Variants in ZNF425 observed in about 807,000 individuals in gnomAD.
ZNF425 encodes zinc finger protein 425.
ZNF425 carries 21 observed loss-of-function variants against 17.0 expected under a neutral mutation model. That is an observed-to-expected ratio of 1.23 (90% CI 0.88 to 1.78). The LOEUF is 1.78. Among genes scored for constraint, ZNF425 ranks in the 40% most tolerant of loss-of-function variants. The pLI, the probability that ZNF425 is intolerant of heterozygous loss-of-function variation, is 0.00. For synonymous variants in ZNF425, 433 were observed against 384.1 expected, an observed-to-expected ratio of 1.13 and a Z score of -1.49; for missense variants, 868 against 967.3, an observed-to-expected ratio of 0.90 and a Z score of 1.36.
At chr7:149,118,522 G>T in intron 1 of ZNF425, 174 bp from the exon 2 acceptor site, 1 of 742,758 alleles carries the variant, frequency 1.3e-6, no homozygotes, top group Non-Finnish European at 2.1e-6. Context: ...CAAGTAAAAT[G>T]AATGAATGGG....
Position 149,123,851 on chromosome 7 carries a change from T to G in ZNF425, c.18+2345A>C, listed in dbSNP as rs1048765602. ...CCGGACTTGCTTTTTCTTTTTTTTT[T>G]TTTTTTTCCTTTTTGAGACGGAGTC... On this transcript the variant is annotated intron_variant, in intron 1 of 3. Coordinates refer to ENST00000378061, the MANE Select transcript of ZNF425 (RefSeq NM_001001661.3). Among the ~76,000 whole-genome samples the G allele has an allele frequency of 2.1e-5, 3 of 145,416 alleles. No individual in the cohort carries two copies. In the South Asian group the frequency reaches 6.4e-4, roughly 31 times the overall value.
chr7:149,126,038 G>A, intron 1 of ZNF425, 158 bp downstream of exon 1: 3 of 1,426,262 alleles, frequency 2.1e-6, no homozygotes, highest in Non-Finnish European at 2.9e-6. Context: ...CAGCAAGACT[G>A]CACCTTCTCC....
chr7:149,108,902 A>T (rs1246698030), intron 3 of ZNF425, among the ~76,000 whole-genome samples: 3 of 151,964 alleles, frequency 2.0e-5, no homozygotes, highest in Non-Finnish European at 4.4e-5. Context: ...GAAAAAAAAT[A>T]AAAATCTTCC....
In ZNF425 at chr7:149,105,529, G is replaced by T. The variant is rs776877322; in HGVS notation, c.342C>A (p.Cys114Ter). The T allele has an allele frequency of 1.8e-5, 28 of 1,514,592 alleles. No individual in the cohort carries two copies. Among genetic ancestry groups the T allele is most frequent in the South Asian group, 1.4e-5 (1 of 72,598 alleles). 93.8% of individuals were successfully genotyped at this position (1,514,592 alleles called of 1,614,324 possible). Residue 114 changes from cysteine to a stop codon, truncating the protein, a stop_gained, in exon 4 of 4, where the codon TGC (cysteine) becomes TGA (stop). Coordinates refer to ENST00000378061, the MANE Select transcript of ZNF425 (RefSeq NM_001001661.3). LOFTEE classifies it low-confidence loss of function (END_TRUNC). The part of the protein sequence containing the change: ...EGTPRTKEED[C>*]RLNGPQKQDL... ...CCTGTTTTTGAGGACCATTTAAACGGCAATCCTCTTCTTTTGTCCTGGGAG... is the reference window on the plus strand; with the variant it reads ...CCTGTTTTTGAGGACCATTTAAACGTCAATCCTCTTCTTTTGTCCTGGGAG...
At chr7:149,109,908 G>A (rs1328289332) in intron 3 of ZNF425, among the ~76,000 whole-genome samples, 2 of 143,676 alleles carry the variant, frequency 1.4e-5, no homozygotes, top group Admixed American at 7.1e-5. Flanking sequence ...ACAGAGTCTC[G>A]CTCTGTCACC....
Position 149,103,683 on chromosome 7 carries a change from T to C in ZNF425, c.2188A>G (p.Ser730Gly). Reference sequence around the variant, plus strand: ...TTGAGCGCCCCCACGTACGTGAAGCTCCTTCCACACTCATCACAAGAAAAA... The same window carrying C: ...TTGAGCGCCCCCACGTACGTGAAGCCCCTTCCACACTCATCACAAGAAAAA... ...RPFSCDECGR[S>G]FTYVGALKTH... is the part of the protein sequence containing the mutation. Residue 730 changes from serine (S) to glycine (G), a missense_variant, in exon 4 of 4, where the codon AGC (serine) becomes GGC (glycine). Physicochemically the swap from Ser to Gly is moderately conservative, Grantham distance 56 (BLOSUM62 0). Coordinates refer to ENST00000378061, the MANE Select transcript of ZNF425 (RefSeq NM_001001661.3). 1 of 1,614,058 alleles carries C rather than the reference T, an allele frequency of 6.2e-7. No homozygotes were observed. Among genetic ancestry groups the C allele is most frequent in the Non-Finnish European group, 8.5e-7 (1 of 1,180,014 alleles).
At position 149,104,093 on chromosome 7, in the gene ZNF425, T is replaced by C. The variant is rs762815018; in HGVS notation, c.1778A>G (p.His593Arg). The C allele has an allele frequency of 5.6e-6, 9 of 1,612,822 alleles. No homozygotes were observed. The highest frequency in any genetic ancestry group is 7.6e-6 in the Non-Finnish European group (9 of 1,179,962). ...CAGGTGCTCGGTGAGCTGAGACTGA[T>C]GCGTGTAGGTCTTGTCACACTCACC... Reference protein sequence around the residue: ...ACGECDKTYTHQSQLTEHLRL... With the variant: ...ACGECDKTYTRQSQLTEHLRL... Residue 593 changes from histidine (H) to arginine (R), a missense_variant, in exon 4 of 4, where the codon CAT becomes CGT. His to Arg is a conservative substitution (Grantham distance 29). Around this residue, in one of 5 missense-constraint regions of ZNF425, gnomAD observed 437 missense variants for 444.2 expected, o/e 0.98. Coordinates refer to ENST00000378061, the MANE Select transcript of ZNF425 (RefSeq NM_001001661.3). This position sits in a 1 kb window ranked among gnomAD's most constrained non-coding sequence, Gnocchi z 4.3.
At chr7:149,105,949 T>A (rs1156598367) in intron 3 of ZNF425, among the ~76,000 whole-genome samples, 171 of 85,612 alleles carry the variant, frequency 2.0e-3, no homozygotes, top group Admixed American at 3.4e-3. Flanking sequence ...TTAAAAAAAA[T>A]TTTTTTCCTT....
intron 1 of ZNF425, among the ~76,000 whole-genome samples, chr7:149,124,594 T>A (rs1016045454): frequency 6.6e-6 from 1 of 152,022 alleles, no homozygotes; most frequent in Admixed American, 6.6e-5. Flanking sequence ...CAGGCTGGAG[T>A]GCAATGGCAC....
rs776871002 is a variant in ZNF425, at chr7:149,104,264, C to T, written c.1607G>A (p.Arg536His). 6.2e-7 allele frequency: 1 copy of T among 1,613,580 alleles called. No homozygotes were observed. The highest frequency in any genetic ancestry group is 2.2e-5 in the East Asian group (1 of 44,882). ...GTGCTCTGTGAGATGCGCGCGTCGG[C>T]GGAAACTGCGGCCGCACTCGGCGCA... ...FSCAECGRSF[R>H]RRAHLTEHTR... is the part of the protein sequence containing the mutation. Residue 536 changes from arginine (R) to histidine (H), a missense_variant, in exon 4 of 4, where the codon CGC becomes CAC. This residue lies in a region of ZNF425 where 437 missense variants were observed against 444.2 expected (regional missense o/e 0.98). Transcript: ENST00000378061. This position sits in a 1 kb window ranked among gnomAD's most constrained non-coding sequence, Gnocchi z 4.3.
In ZNF425 at chr7:149,104,541, A is replaced by C; in HGVS notation, c.1330T>G (p.Cys444Gly). The C allele has an allele frequency of 6.2e-7, 1 of 1,611,226 alleles. No individual in the cohort carries two copies. The highest frequency in any genetic ancestry group is 1.1e-5 in the South Asian group (1 of 90,752). ...AAGAAGCCCCTGCTGCACTCCGGGC[A>C]CTGGAAGGGCCGCTTCCCAATGTGC... ...LQHIGKRPFQ[C>G]PECSRGFFWR... Residue 444 changes from cysteine (C) to glycine (G), a missense_variant, in exon 4 of 4, where the codon TGC becomes GGC. By Grantham distance (159) the Cys-to-Gly change is radical. Around this residue, in one of 5 missense-constraint regions of ZNF425, gnomAD observed 437 missense variants for 444.2 expected, o/e 0.98. Coordinates refer to ENST00000378061, the MANE Select transcript of ZNF425 (RefSeq NM_001001661.3). The surrounding 1 kb of genome is among the most constrained non-coding windows in gnomAD (Gnocchi z 4.3).
At chr7:149,121,773 C>G (rs1826357989) in intron 1 of ZNF425, among the ~76,000 whole-genome samples, 1 of 152,176 alleles carries the variant, frequency 6.6e-6, no homozygotes, top group Non-Finnish European at 1.5e-5. Flanking sequence ...CTACTTTTAA[C>G]TGTTCTGATA....
At chr7:149,114,910 T>C (rs1826235284) in intron 2 of ZNF425, among the ~76,000 whole-genome samples, 1 of 136,974 alleles carries the variant, frequency 7.3e-6, no homozygotes, top group Non-Finnish European at 1.5e-5. Flanking sequence ...ACCAAAATTC[T>C]TTTTTTCTTT....
intron 3 of ZNF425, among the ~76,000 whole-genome samples, chr7:149,105,983 TATTACTC>T (rs1826078317): frequency 8.0e-6 from 1 of 124,954 alleles, no homozygotes; most frequent in South Asian, 2.6e-4. Flanking sequence ...TGAGACGGAG[TATTACTC>T]TGTCGCCCAG....
At chr7:149,107,312 GATTTATTT>G (rs915413085) in intron 3 of ZNF425, among the ~76,000 whole-genome samples, 1 of 147,180 alleles carries the variant, frequency 6.8e-6, no homozygotes, top group Non-Finnish European at 1.5e-5. Flanking sequence ...TTATAAGAAT[GATTTATTT>G]ATTTATTTAT....
At position 149,124,608 on chromosome 7, in the gene ZNF425, C is replaced by A. The variant is rs145663607; in HGVS notation, c.18+1588G>T. ...CCAGGCTGGAGTGCAATGGCACGATCTCGGCTCACTTCAACCTCTGCCTCC... is the reference window on the plus strand; with the variant it reads ...CCAGGCTGGAGTGCAATGGCACGATATCGGCTCACTTCAACCTCTGCCTCC... On this transcript the variant is annotated intron_variant, in intron 1 of 3. Coordinates refer to ENST00000378061, the MANE Select transcript of ZNF425 (RefSeq NM_001001661.3). 9.2e-3 allele frequency among the ~76,000 whole-genome samples: 1,399 copies of A among 152,244 alleles called. 13 individuals are homozygous for A. The highest frequency in any genetic ancestry group is 0.032 in the African/African-American group (1,323 of 41,536).
chr7:149,114,390 T>C (rs1432357559), intron 2 of ZNF425, among the ~76,000 whole-genome samples: 1 of 92,276 alleles, frequency 1.1e-5, no homozygotes. Flanking sequence ...TTTTTTTTTT[T>C]CTTTGAAATG....
chr7:149,119,653 G>A (rs2129518510), intron 1 of ZNF425, among the ~76,000 whole-genome samples: 1 of 152,070 alleles, frequency 6.6e-6, no homozygotes, highest in East Asian at 1.9e-4. Flanking sequence ...TAAAAGCCAG[G>A]TATGGTAATC....
intron 1 of ZNF425, among the ~76,000 whole-genome samples, chr7:149,121,839 T>C (rs1422250780): frequency 6.6e-6 from 1 of 151,432 alleles, no homozygotes; most frequent in African/African-American, 2.5e-5. Flanking sequence ...TGAGTAATGA[T>C]GTTAAACATC....
Sources: allele counts gnomAD v4.1 joint callset (sites outside exome capture counted in the v4.1 genomes callset), GRCh38; gene constraint gnomAD v4.1.1; regional missense constraint gnomAD v4.1.1; non-coding constraint Gnocchi (gnomAD v3.1); transcripts MANE v1.5; gene names NCBI Gene and HGNC (gene_info 2026-07-23, HGNC 2026-07-21).